Variants in TAS2R1 observed in about 807,000 individuals in gnomAD.
TAS2R1 encodes taste receptor type 2 member 1.
For missense variants in TAS2R1, 370 were observed against 353.4 expected (o/e 1.05, Z -0.38); for synonymous variants, 141 against 134.2 (o/e 1.05, Z -0.35).
intron 1 of TAS2R1, among the ~76,000 whole-genome samples, chr5:9,706,248 G>A (rs937573959): frequency 1.3e-5 from 2 of 152,116 alleles, no homozygotes; most frequent in African/African-American, 4.8e-5. Flanking sequence ...CAGGAGTGTT[G>A]AGGCTATCTT....
the TAS2R1 span, among the ~76,000 whole-genome samples, chr5:9,723,519 T>G: frequency 6.6e-6 from 1 of 152,254 alleles, no homozygotes; most frequent in Admixed American, 6.5e-5. Flanking sequence ...ATGGACAATA[T>G]CTGACAAACA....
the TAS2R1 span, among the ~76,000 whole-genome samples, chr5:9,869,545 G>C: frequency 6.6e-6 from 1 of 152,158 alleles, no homozygotes; most frequent in Non-Finnish European, 1.5e-5. Context: ...GATGAGATTA[G>C]GGTGGAGACA....
chr5:9,878,338 G>T, the TAS2R1 span, among the ~76,000 whole-genome samples: 1 of 152,096 alleles, frequency 6.6e-6, no homozygotes, highest in African/African-American at 2.4e-5. Context: ...CCCCGCCCAG[G>T]ACTGTGTCAT....
At chr5:9,861,010 C>T in the TAS2R1 span, among the ~76,000 whole-genome samples, 1 of 119,024 alleles carries the variant, frequency 8.4e-6, no homozygotes. Flanking sequence ...TGCAAACTGA[C>T]TGTAATGGAC....
the TAS2R1 span, among the ~76,000 whole-genome samples, chr5:9,785,111 T>C: frequency 1.3e-5 from 2 of 152,184 alleles, no homozygotes; most frequent in South Asian, 4.1e-4. Context: ...TTATCTTACA[T>C]GCCCTTTTCA....
the TAS2R1 span, among the ~76,000 whole-genome samples, chr5:9,894,328 T>C: frequency 6.6e-6 from 1 of 151,810 alleles, no homozygotes; most frequent in Non-Finnish European, 1.5e-5. Context: ...CGCTTGAACC[T>C]GGGAAGTGGA....
the TAS2R1 span, among the ~76,000 whole-genome samples, chr5:9,792,312 A>G: frequency 6.6e-6 from 1 of 152,302 alleles, no homozygotes; most frequent in South Asian, 2.1e-4. Flanking sequence ...AACCTCTGCT[A>G]TTTTCCAAGA....
the TAS2R1 span, among the ~76,000 whole-genome samples, chr5:9,865,324 C>T: frequency 7.2e-5 from 11 of 152,286 alleles, no homozygotes; most frequent in African/African-American, 2.6e-4. Context: ...CCCACTATGC[C>T]TATGGATTCA....
the TAS2R1 span, among the ~76,000 whole-genome samples, chr5:9,901,983 C>T: frequency 6.6e-6 from 1 of 152,076 alleles, no homozygotes; most frequent in African/African-American, 2.4e-5. Context: ...AGTGGACTCG[C>T]TGGACTGCAA....
chr5:9,700,498 A>G (rs1308959323), intron 1 of TAS2R1, among the ~76,000 whole-genome samples: 1 of 152,098 alleles, frequency 6.6e-6, no homozygotes, highest in African/African-American at 2.4e-5. Context: ...CCACCCATGC[A>G]CTTGGCCAGG....
intron 1 of TAS2R1, among the ~76,000 whole-genome samples, chr5:9,691,646 CA>C (rs1741251801): frequency 6.6e-6 from 1 of 152,222 alleles, no homozygotes; most frequent in Non-Finnish European, 1.5e-5. Context: ...AGAAGTGAAG[CA>C]AAAGCATCTT....
chr5:9,712,192 TCA>T (rs1734695557), exon 1 of TAS2R1: 3 of 152,232 alleles, frequency 2.0e-5, no homozygotes, highest in Admixed American at 2.0e-4. Context: ...CCTTTAGGCA[TCA>T]GTGTTTATTA....
At chr5:9,868,363 T>C in the TAS2R1 span, among the ~76,000 whole-genome samples, 2 of 152,350 alleles carry the variant, frequency 1.3e-5, no homozygotes, top group African/African-American at 2.4e-5. Flanking sequence ...AATTCTTGAC[T>C]TCTGTGCACT....
At chr5:9,882,712 A>G in the TAS2R1 span, among the ~76,000 whole-genome samples, 1 of 152,184 alleles carries the variant, frequency 6.6e-6, no homozygotes, top group Non-Finnish European at 1.5e-5. Flanking sequence ...GAACGCTTTT[A>G]CACTGTTGGT....
the TAS2R1 span, among the ~76,000 whole-genome samples, chr5:9,763,981 G>A: frequency 1.3e-5 from 2 of 152,170 alleles, no homozygotes; most frequent in Admixed American, 1.3e-4. Context: ...AACTTAGGGA[G>A]GATAAAGGAG....
chr5:9,715,640 T>C (rs552800776), upstream of TAS2R1, among the ~76,000 whole-genome samples: 1 of 152,276 alleles, frequency 6.6e-6, no homozygotes, highest in South Asian at 2.1e-4. Flanking sequence ...TCCAGTCTGT[T>C]TTCCCCCAAC....
the TAS2R1 span, among the ~76,000 whole-genome samples, chr5:9,728,739 G>A: frequency 9.2e-5 from 14 of 152,298 alleles, no homozygotes; most frequent in African/African-American, 3.1e-4. Flanking sequence ...TCTGCAAGTA[G>A]AGCTCTTGCC....
the TAS2R1 span, among the ~76,000 whole-genome samples, chr5:9,784,222 G>A: frequency 1.3e-5 from 2 of 152,146 alleles, no homozygotes; most frequent in Non-Finnish European, 2.9e-5. Context: ...TCTTTCTTCT[G>A]TCTCTGGGGT....
At chr5:9,836,489 A>AT in the TAS2R1 span, among the ~76,000 whole-genome samples, 9,035 of 152,022 alleles carry the variant, frequency 0.059, 628 homozygotes, top group East Asian at 0.23. Context: ...GCATCCCTCC[A>AT]TACGCCCCAG....
Sources: gnomAD v4.1 joint callset for allele counts (sites outside exome capture counted in the v4.1 genomes callset) on GRCh38, gnomAD v4.1.1 for gene constraint, MANE v1.5 for transcripts, NCBI Gene and HGNC (gene_info 2026-07-23, HGNC 2026-07-21) for gene names.